Variants in HMGB1 observed in about 807,000 individuals in gnomAD.
HMGB1 encodes high mobility group protein B1.
For missense variants in HMGB1, 79 were observed against 253.5 expected, an observed-to-expected ratio of 0.31 and a Z score of 4.67; for synonymous variants, 81 against 84.0, an observed-to-expected ratio of 0.96 and a Z score of 0.19.
At chr13:30,614,568 C>A (rs981052881) in intron 1 of HMGB1, among the ~76,000 whole-genome samples, 1 of 152,172 alleles carries the variant, frequency 6.6e-6, no homozygotes. Flanking sequence ...TAAGGTCACA[C>A]AGCAGAAGAG....
intron 1 of HMGB1, among the ~76,000 whole-genome samples, chr13:30,557,546 G>A (rs1869741468): frequency 6.6e-6 from 1 of 152,130 alleles, no homozygotes; most frequent in South Asian, 2.1e-4. Flanking sequence ...AATAAATGTT[G>A]ACCTAAGACT....
At chr13:30,464,576 G>A (rs1053445771) in intron 1 of HMGB1, 45 of 983,036 alleles carry the variant, frequency 4.6e-5, no homozygotes, top group Non-Finnish European at 5.2e-5. Context: ...AGGCCCTGCA[G>A]GCCCGCGCCG....
At chr13:30,561,275 C>T (rs1009030164) in intron 1 of HMGB1, among the ~76,000 whole-genome samples, 2 of 152,078 alleles carry the variant, frequency 1.3e-5, no homozygotes, top group African/African-American at 2.4e-5. Flanking sequence ...GAGGAAGAGG[C>T]AACTCTACCT....
At position 30,581,791 on chromosome 13, in the gene HMGB1, C is replaced by T. The variant is rs961556453; in HGVS notation, c.-15+34880G>A. 4.6e-5 allele frequency among the ~76,000 whole-genome samples: 7 copies of T among 152,290 alleles called. No homozygotes were observed. The East Asian group carries it at 1.2e-3, about 25-fold the overall frequency. On this transcript the variant is annotated intron_variant, in intron 1 of 4. Coordinates refer to the HMGB1 transcript ENST00000405805. ...TGCAGGAAAAGTTTTGAGTCCATTT[C>T]CCCTTGTGAACAAGTGCTCAGCTAT...
chr13:30,600,658 G>A (rs984427813), intron 1 of HMGB1, among the ~76,000 whole-genome samples: 1 of 152,018 alleles, frequency 6.6e-6, no homozygotes, highest in Admixed American at 6.5e-5. Flanking sequence ...CCAGGCTGGA[G>A]TGCAATGGCG....
chr13:30,476,557 C>T (rs377027996), intron 1 of HMGB1, among the ~76,000 whole-genome samples: 3 of 152,242 alleles, frequency 2.0e-5, no homozygotes, highest in African/African-American at 7.2e-5. Context: ...ATGTGCTAAG[C>T]ACTATACATA....
At chr13:30,539,721 G>T in intron 1 of HMGB1, 1 of 181,380 alleles carries the variant, frequency 5.5e-6, no homozygotes. Flanking sequence ...ACGGGGAGTG[G>T]TGGGGGTGGC....
rs76090147 is a variant in HMGB1 at position 30,585,798 on chromosome 13, G to A, written c.-15+30873C>T. Among the ~76,000 whole-genome samples, 33 of 152,254 alleles carry A rather than the reference G, an allele frequency of 2.2e-4. No homozygotes were observed. The East Asian group carries it at 3.3e-3, about 15-fold the overall frequency. On this transcript the variant is annotated intron_variant, in intron 1 of 4. Coordinates refer to the HMGB1 transcript ENST00000405805. ...TACTAGCTCACTCCCATGAATACAC[G>A]TATGTAAACAGGCTCTATACAATCT...
intron 1 of HMGB1, among the ~76,000 whole-genome samples, chr13:30,492,939 C>T (rs753754345): frequency 2.1e-4 from 29 of 139,934 alleles, no homozygotes; most frequent in Admixed American, 3.3e-4. Flanking sequence ...TGCAGTGAGC[C>T]GAGGTCTTGC....
At chr13:30,519,555 C>G (rs1183077024) in intron 1 of HMGB1, among the ~76,000 whole-genome samples, 1 of 142,144 alleles carries the variant, frequency 7.0e-6, no homozygotes, top group East Asian at 2.1e-4. Flanking sequence ...AAAAAATTAG[C>G]CAGGCGTGGT....
intron 1 of HMGB1, among the ~76,000 whole-genome samples, chr13:30,605,433 G>C (rs986546842): frequency 6.6e-6 from 1 of 152,202 alleles, no homozygotes; most frequent in Non-Finnish European, 1.5e-5. Flanking sequence ...AAGATACTAA[G>C]GAGAAGCCAA....
At chr13:30,542,837 G>A (rs74046060) in intron 1 of HMGB1, 3,246 of 156,758 alleles carry the variant, frequency 0.021, 112 homozygotes, top group African/African-American at 0.073. Context: ...TGTGATGCAG[G>A]ACGGCCCCAG....
At chr13:30,470,386 C>T (rs1035081980), upstream of HMGB1, among the ~76,000 whole-genome samples, 3 of 152,074 alleles carry the variant, frequency 2.0e-5, no homozygotes, top group East Asian at 1.9e-4. Context: ...GAATAAGAAG[C>T]GAATGTTAGG....
intron 1 of HMGB1, among the ~76,000 whole-genome samples, chr13:30,486,879 C>A (rs894195975): frequency 1.3e-5 from 2 of 152,170 alleles, no homozygotes; most frequent in Non-Finnish European, 2.9e-5. Context: ...GCTGCTCCAA[C>A]AGATACAGTC....
At chr13:30,539,605 AT>A in intron 1 of HMGB1, 2 of 274,104 alleles carry the variant, frequency 7.3e-6, no homozygotes. Context: ...GGGCAGCTGT[AT>A]TTTCCAGCAT....
chr13:30,591,027 CTTTTTTTTTTTT>C (rs910554887), intron 1 of HMGB1, among the ~76,000 whole-genome samples: 1 of 109,944 alleles, frequency 9.1e-6, no homozygotes, highest in Non-Finnish European at 1.9e-5. Flanking sequence ...GAGGCAGGGC[CTTTTTTTTTTTT>C]TTTTTTTTTT....
At chr13:30,533,729 G>A (rs1051022155) in intron 1 of HMGB1, among the ~76,000 whole-genome samples, 2 of 151,966 alleles carry the variant, frequency 1.3e-5, no homozygotes, top group African/African-American at 4.8e-5. Context: ...GTATACACAT[G>A]TATAAAACTA....
chr13:30,472,770 G>A (rs1886975776), intron 1 of HMGB1, among the ~76,000 whole-genome samples: 1 of 151,888 alleles, frequency 6.6e-6, no homozygotes, highest in African/African-American at 2.4e-5. Context: ...TTTCGGAAAA[G>A]GAGAGGAAAC....
At chr13:30,508,110 A>G (rs1378793601) in intron 1 of HMGB1, among the ~76,000 whole-genome samples, 4 of 152,200 alleles carry the variant, frequency 2.6e-5, no homozygotes, top group Non-Finnish European at 2.9e-5. Flanking sequence ...CTGAGTATAA[A>G]TATGTTCCTT....
Sources: gnomAD v4.1 joint callset for allele counts (sites outside exome capture counted in the v4.1 genomes callset) on GRCh38, gnomAD v4.1.1 for gene constraint, MANE v1.5 for transcripts, NCBI Gene and HGNC (gene_info 2026-07-23, HGNC 2026-07-21) for gene names.